The following ZNF616 variants were observed in gnomAD, a reference collection of about 807,000 sequenced individuals.
ZNF616 encodes the protein zinc finger protein 616.
Under a neutral mutation model 7.6 loss-of-function variants are expected in ZNF616, and 5 were observed. The observed-to-expected ratio is 0.66, with a 90% CI of 0.34 to 1.38. ZNF616 has a LOEUF of 1.38. ZNF616 is among the 40% of genes most tolerant of loss of function. The pLI is 0.04. For missense variants in ZNF616, 913 were observed against 948.3 expected, an observed-to-expected ratio of 0.96 and a Z score of 0.49; for synonymous variants, 319 against 317.2, an observed-to-expected ratio of 1.01 and a Z score of -0.06.
chr19:52,125,684 G>A lies in ZNF616; in HGVS notation c.13-1635C>T, dbSNP rs185814450. 3.2e-4 allele frequency among the ~76,000 whole-genome samples: 48 copies of A among 152,208 alleles called. No individual in the cohort carries two copies. The East Asian group carries it at 8.9e-3, about 28-fold the overall frequency. On this transcript the variant is annotated intron_variant, in intron 2 of 3. Coordinates refer to ENST00000600228, the MANE Select transcript of ZNF616 (RefSeq NM_178523.5). The stretch of plus-strand genomic sequence containing the variant: ...GTCTCAGGCGTGGTCCTGCTTCCAG[G>A]GCTCCCCTTGACCTTGCCCTAATAA...
intron 3 of ZNF616, among the ~76,000 whole-genome samples, chr19:52,120,832 T>C (rs1181267425): frequency 6.6e-6 from 1 of 152,012 alleles, no homozygotes; most frequent in East Asian, 1.9e-4. Context: ...GAAACATAAC[T>C]AAAGGGAGAA....
At chr19:52,128,322 C>A (rs11878579) in intron 2 of ZNF616, among the ~76,000 whole-genome samples, 6,083 of 152,098 alleles carry the variant, frequency 0.04, 390 homozygotes, top group African/African-American at 0.13. Context: ...GAAATCAAAC[C>A]AAAATAATTT....
At position 52,139,047 on chromosome 19, in the gene ZNF616, T is replaced by A. The variant is rs187759117; in HGVS notation, c.-77+685A>T. ...CCCGTGCTACTTTCTCCATGCGTCCTCTTGCACTCTTGCTCTCTTTGCCAG... is the reference window on the plus strand; with the variant it reads ...CCCGTGCTACTTTCTCCATGCGTCCACTTGCACTCTTGCTCTCTTTGCCAG... On this transcript the variant is annotated intron_variant, in intron 1 of 3. Coordinates refer to ENST00000600228, the MANE Select transcript of ZNF616 (RefSeq NM_178523.5). The surrounding 1 kb of genome is among the most constrained non-coding windows in gnomAD (Gnocchi z 4.1). Among the ~76,000 whole-genome samples, 190 of 152,344 alleles carry A rather than the reference T, an allele frequency of 1.2e-3. No individual in the cohort carries two copies. The highest frequency in any genetic ancestry group is 3.4e-3 in the Middle Eastern group (1 of 294).
At position 52,116,911 on chromosome 19, in the gene ZNF616, A is replaced by C. The variant is rs779720923; in HGVS notation, c.253T>G (p.Leu85Val). ...ERHQSYDIEN[L>V]YFREIQKHLH... is the part of the protein sequence containing the mutation. ...TGTTTCTGTATTTCCCTGAAGTATA[A>C]ATTTTCAATATCATAGCTTTGATGT... The change falls in exon 4 of 4, where the codon TTA becomes GTA. Residue 85 changes from leucine to valine, a missense_variant. By Grantham distance (32) the Leu-to-Val change is conservative. Transcript: ENST00000600228. The C allele has an allele frequency of 1.2e-6, 2 of 1,613,984 alleles. No individual in the cohort carries two copies. The highest frequency in any genetic ancestry group is 1.7e-6 in the Non-Finnish European group (2 of 1,179,974).
At chr19:52,135,700 T>G (rs1312329614) in intron 1 of ZNF616, among the ~76,000 whole-genome samples, 2 of 149,822 alleles carry the variant, frequency 1.3e-5, no homozygotes, top group Non-Finnish European at 3.0e-5. Context: ...GTGTGGCTCC[T>G]TTCAATAAAA....
At chr19:52,124,592 C>G (rs1360436218) in intron 2 of ZNF616, among the ~76,000 whole-genome samples, 1 of 152,158 alleles carries the variant, frequency 6.6e-6, no homozygotes, top group Non-Finnish European at 1.5e-5. Context: ...AACAAACTTG[C>G]CTAGGTCAAC....
chr19:52,122,869 C>T (rs557429501), intron 3 of ZNF616, among the ~76,000 whole-genome samples: 24 of 152,078 alleles, frequency 1.6e-4, no homozygotes, highest in African/African-American at 5.3e-4. Context: ...CTCCTGACCT[C>T]GTGATCCACC....
intron 2 of ZNF616, among the ~76,000 whole-genome samples, chr19:52,128,621 G>A (rs139324926): frequency 0.023 from 3,464 of 151,606 alleles, 65 homozygotes; most frequent in Middle Eastern, 0.048. Context: ...GCATGCCTGT[G>A]GTCCCAGCTA....
intron 1 of ZNF616, among the ~76,000 whole-genome samples, chr19:52,135,604 CA>C (rs1345585491): frequency 6.6e-6 from 1 of 152,186 alleles, no homozygotes; most frequent in Non-Finnish European, 1.5e-5. Flanking sequence ...AATGCACCAC[CA>C]CTCCAGCTGC....
chr19:52,114,378 C>CA lies in ZNF616; in HGVS notation c.*439dup, dbSNP rs200481662. On this transcript the variant is annotated 3_prime_UTR_variant, in exon 4 of 4. Coordinates refer to ENST00000600228, the MANE Select transcript of ZNF616 (RefSeq NM_178523.5). The stretch of plus-strand genomic sequence containing the variant: ...GTATTAGGTCATAACTGCATTGCTA[C>CA]AAAAAAAAACCTGAGGCTGGCTAAT... 231 of 156,782 alleles carry CA rather than the reference C, an allele frequency of 1.5e-3. No homozygotes were observed. Among genetic ancestry groups the CA allele is most frequent in the African/African-American group, 3.2e-3 (130 of 41,104 alleles). 9.7% of individuals were successfully genotyped at this position (156,782 alleles called of 1,614,324 possible).
chr19:52,113,177 A>G lies in ZNF616; in HGVS notation c.*1641T>C, dbSNP rs960642135. The G allele has an allele frequency of 1.3e-5, 2 of 152,212 alleles. No homozygotes were observed. Among genetic ancestry groups the G allele is most frequent in the African/African-American group, 4.8e-5 (2 of 41,448 alleles). 9.4% of individuals were successfully genotyped at this position (152,212 alleles called of 1,614,324 possible). A position where few individuals can be genotyped will look rare whatever the true frequency, so the allele number is the denominator to read the frequency against. ...ATACATACTGTCCTGAGTTTTAACA[A>G]ATGTTGTCTGGTAGTTATTCTGTAA... is the stretch of plus-strand genomic sequence containing the variant. On this transcript the variant is annotated 3_prime_UTR_variant, in exon 4 of 4. Transcript: ENST00000600228.
At position 52,115,636 on chromosome 19, in the gene ZNF616, C is replaced by G; in HGVS notation, c.1528G>C (p.Val510Leu). The stretch of plus-strand genomic sequence containing the variant: ...TCTCCAGTATGAATTCTCCGATGCA[C>G]TGCAAGACGTGAATGTTGACTGAAG... ...KVFSQHSRLA[V>L]HRRIHTGEKP... is the part of the protein sequence containing the mutation. The change falls in exon 4 of 4, where the codon GTG becomes CTG. Residue 510 changes from valine (V) to leucine (L), a missense_variant. By Grantham distance (32) the Val-to-Leu change is conservative (BLOSUM62 1). Coordinates refer to ENST00000600228, the MANE Select transcript of ZNF616 (RefSeq NM_178523.5). 1 of 1,613,842 alleles carries G rather than the reference C, an allele frequency of 6.2e-7. No individual in the cohort carries two copies. The highest frequency in any genetic ancestry group is 8.5e-7 in the Non-Finnish European group (1 of 1,179,956).
intron 1 of ZNF616, among the ~76,000 whole-genome samples, chr19:52,136,698 A>G (rs73573173): frequency 0.038 from 5,824 of 152,206 alleles, 347 homozygotes; most frequent in African/African-American, 0.13. Context: ...AATATTCAAA[A>G]TAGAACAACA....
At chr19:52,126,698 G>A (rs913784937) in intron 2 of ZNF616, among the ~76,000 whole-genome samples, 1 of 152,124 alleles carries the variant, frequency 6.6e-6, no homozygotes, top group Admixed American at 6.5e-5. Flanking sequence ...GAACCCAGGA[G>A]GCAGAGGTTG....
chr19:52,124,192 AT>A, intron 2 of ZNF616, 143 bp from the exon 3 acceptor site: 1 of 1,048,014 alleles, frequency 9.5e-7, no homozygotes, highest in Non-Finnish European at 1.4e-6. Flanking sequence ...TTGGTCCCTA[AT>A]TTTAGTTTGT....
chr19:52,127,594 T>TA (rs959874459), intron 2 of ZNF616, among the ~76,000 whole-genome samples: 11 of 152,340 alleles, frequency 7.2e-5, no homozygotes, highest in African/African-American at 2.6e-4. Context: ...CAGTATTTTA[T>TA]AATCACACAG....
chr19:52,115,601 G>T lies in ZNF616; in HGVS notation c.1563C>A (p.Tyr521Ter). Residue 521 changes from tyrosine (Y) to a stop codon, truncating the protein, a stop_gained, in exon 4 of 4, where the codon TAC (tyrosine) becomes TAA (stop). Coordinates refer to ENST00000600228, the MANE Select transcript of ZNF616 (RefSeq NM_178523.5). LOFTEE classifies it low-confidence loss of function (END_TRUNC). ...HRRIHTGEKP[Y>*]KCKECGKVFS... ...AGACCTTGCCACATTCTTTGCATTTGTAAGGTTTCTCTCCAGTATGAATTC... is the reference window on the plus strand; with the variant it reads ...AGACCTTGCCACATTCTTTGCATTTTTAAGGTTTCTCTCCAGTATGAATTC... The T allele has an allele frequency of 6.2e-7, 1 of 1,613,890 alleles. No homozygotes were observed. The highest frequency in any genetic ancestry group is 8.5e-7 in the Non-Finnish European group (1 of 1,179,964).
chr19:52,124,203 T>C (rs1423055542), intron 2 of ZNF616, among the ~76,000 whole-genome samples, 154 bp from the exon 3 acceptor site: 1 of 152,260 alleles, frequency 6.6e-6, no homozygotes, highest in African/African-American at 2.4e-5. Flanking sequence ...TTTTAGTTTG[T>C]TATAAAATAC....
Position 52,116,549 on chromosome 19 carries a change from C to T in ZNF616, c.615G>A (p.Arg205=). Residue 205 remains arginine, a synonymous_variant, in exon 4 of 4, where the codon AGG becomes AGA. Transcript: ENST00000600228. ...TGTAAGGTTTCTCTGTAGTATGTATCCTCTGATGATTAATAAGGCTGGAAG... is the reference window on the plus strand; with the variant it reads ...TGTAAGGTTTCTCTGTAGTATGTATTCTCTGATGATTAATAAGGCTGGAAG... ...KASSSLINHQ[R]IHTTEKPYKC... 1 of 1,613,960 alleles carries T rather than the reference C, an allele frequency of 6.2e-7. No homozygotes were observed. Among genetic ancestry groups the T allele is most frequent in the Non-Finnish European group, 8.5e-7 (1 of 1,179,982 alleles).
Sources: allele counts gnomAD v4.1 joint callset (sites outside exome capture counted in the v4.1 genomes callset), GRCh38; gene constraint gnomAD v4.1.1; non-coding constraint Gnocchi (gnomAD v3.1); transcripts MANE v1.5; gene names NCBI Gene and HGNC (gene_info 2026-07-23, HGNC 2026-07-21).